Variants in ZFR2 observed in about 807,000 individuals in gnomAD.
ZFR2 encodes zinc finger RNA binding protein 2.
ZFR2 carries 104 observed loss-of-function variants against 105.7 expected under a neutral mutation model. The ratio of observed to expected loss-of-function variants is 0.98; its 90% CI spans 0.84 to 1.16. The LOEUF is 1.16. ZFR2 is among the 50% of genes most tolerant of loss of function. The pLI is 0.00. For missense variants in ZFR2, 1,425 were observed against 1,355.5 expected, an observed-to-expected ratio of 1.05 and a Z score of -0.80; for synonymous variants, 634 against 597.7, an observed-to-expected ratio of 1.06 and a Z score of -0.89.
rs374560802 is a variant in ZFR2, at chr19:3,823,409, G to A, written c.1214-6C>T. 13 of 1,597,958 alleles carry A rather than the reference G, an allele frequency of 8.1e-6. No homozygotes were observed. In the African/African-American group the frequency reaches 1.6e-4, roughly 20 times the overall value. On this transcript the variant is annotated splice_region_variant and splice_polypyrimidine_tract_variant and intron_variant, in intron 7 of 18. Transcript: ENST00000262961. This position sits in a 1 kb window ranked among gnomAD's most constrained non-coding sequence, Gnocchi z 5.4. ...TGCCTGTGGCTCAGGAGGCCCTGAGGGGAAAAACCATGTCACTTATACCCT... is the reference window on the plus strand; with the variant it reads ...TGCCTGTGGCTCAGGAGGCCCTGAGAGGAAAAACCATGTCACTTATACCCT...
chr19:3,824,414 C>T (rs528166000), intron 7 of ZFR2, among the ~76,000 whole-genome samples: 1 of 152,330 alleles, frequency 6.6e-6, no homozygotes, highest in African/African-American at 2.4e-5. Flanking sequence ...CGCGGGTCAG[C>T]TCTGACAGCT....
At chr19:3,848,992 T>TCAAAACAAAA (rs143956990) in intron 1 of ZFR2, among the ~76,000 whole-genome samples, 3,733 of 151,698 alleles carry the variant, frequency 0.025, 133 homozygotes, top group East Asian at 0.15. Flanking sequence ...AGACTCCGTC[T>TCAAAACAAAA]CAAAACAAAA....
At chr19:3,817,755 C>CAAAAAA (rs1314161355) in intron 12 of ZFR2, among the ~76,000 whole-genome samples, 2 of 64,354 alleles carry the variant, frequency 3.1e-5, no homozygotes, top group Non-Finnish European at 5.6e-5. Context: ...GACTCAGTCT[C>CAAAAAA]AAAAAAGAAA....
intron 12 of ZFR2, 55 bp downstream of exon 12, chr19:3,818,990 G>C (rs2037855703): frequency 1.3e-6 from 2 of 1,574,512 alleles, no homozygotes. Context: ...GTCCCGAGGA[G>C]CTGACCTCTG....
intron 1 of ZFR2, among the ~76,000 whole-genome samples, chr19:3,855,969 A>C (rs1012469904): frequency 6.6e-6 from 1 of 152,100 alleles, no homozygotes. Context: ...TTTCCAGCGG[A>C]GGAGGGACAT....
At chr19:3,824,538 C>A (rs552352668) in intron 7 of ZFR2, among the ~76,000 whole-genome samples, 89 of 152,258 alleles carry the variant, frequency 5.8e-4, no homozygotes, top group African/African-American at 2.1e-3. Flanking sequence ...TCACCGTGAG[C>A]ACCAGGGCAT....
chr19:3,821,903 C>T (rs1307233801), intron 9 of ZFR2, among the ~76,000 whole-genome samples, 178 bp downstream of exon 9: 2 of 152,122 alleles, frequency 1.3e-5, no homozygotes, highest in Non-Finnish European at 2.9e-5. Context: ...GACACCGCGC[C>T]CGGCCGAAGA....
In ZFR2 at chr19:3,834,046, G is replaced by T. The variant is rs1274437145; in HGVS notation, c.265-268C>A. On this transcript the variant is annotated intron_variant, in intron 2 of 18. Coordinates refer to ENST00000262961, the MANE Select transcript of ZFR2 (RefSeq NM_015174.2). This position sits in a 1 kb window ranked among gnomAD's most constrained non-coding sequence, Gnocchi z 5.3. The stretch of plus-strand genomic sequence containing the variant: ...ACTGCAATTTACAAGAGGACGCTTG[G>T]TGCGGCAGGAGAGGGCGGGTTTGCA... Among the ~76,000 whole-genome samples, 1 of 152,154 alleles carries T rather than the reference G, an allele frequency of 6.6e-6. No individual in the cohort carries two copies. Among genetic ancestry groups the T allele is most frequent in the African/African-American group, 2.4e-5 (1 of 41,432 alleles).
intron 1 of ZFR2, among the ~76,000 whole-genome samples, chr19:3,867,620 C>T (rs758013788): frequency 6.6e-6 from 1 of 151,946 alleles, no homozygotes; most frequent in Non-Finnish European, 1.5e-5. Context: ...TTAAATATCA[C>T]AACACTCAGG....
At chr19:3,853,235 G>C (rs933098973) in intron 1 of ZFR2, among the ~76,000 whole-genome samples, 1 of 152,180 alleles carries the variant, frequency 6.6e-6, no homozygotes, top group Non-Finnish European at 1.5e-5. Flanking sequence ...TCTCAGATGC[G>C]ACAGGGAGAG....
At chr19:3,856,316 C>T (rs1423078181) in intron 1 of ZFR2, among the ~76,000 whole-genome samples, 1 of 152,168 alleles carries the variant, frequency 6.6e-6, no homozygotes, top group Non-Finnish European at 1.5e-5. Context: ...GCATGGGCCG[C>T]TGTATGCAGG....
At chr19:3,843,199 G>A (rs759799957) in intron 1 of ZFR2, among the ~76,000 whole-genome samples, 2 of 152,206 alleles carry the variant, frequency 1.3e-5, no homozygotes, top group Non-Finnish European at 2.9e-5. Context: ...GGCTGGGCGC[G>A]GTGGCTCACG....
chr19:3,810,345 G>T (rs1466825631), intron 16 of ZFR2, among the ~76,000 whole-genome samples: 2 of 152,226 alleles, frequency 1.3e-5, no homozygotes, highest in African/African-American at 2.4e-5. Context: ...TGGGCTGGGG[G>T]GTGGTGTTTG....
At chr19:3,836,896 A>G (rs1444102346) in intron 1 of ZFR2, among the ~76,000 whole-genome samples, 13 of 152,200 alleles carry the variant, frequency 8.5e-5, no homozygotes, top group Non-Finnish European at 1.8e-4. Flanking sequence ...ATCAGTAAAG[A>G]TTTTAGCCCA....
At chr19:3,808,796 C>G in intron 17 of ZFR2, 76 bp downstream of exon 17, 5 of 1,247,058 alleles carry the variant, frequency 4.0e-6, no homozygotes, top group South Asian at 3.0e-5. Context: ...GACCCCAGCT[C>G]TCTGTGCCAT....
At chr19:3,817,899 T>C (rs1227197146) in intron 12 of ZFR2, among the ~76,000 whole-genome samples, 1 of 151,878 alleles carries the variant, frequency 6.6e-6, no homozygotes, top group African/African-American at 2.4e-5. Flanking sequence ...TCAGGCCAAG[T>C]GGATCAGCCA....
chr19:3,845,972 A>C (rs1329524899), intron 1 of ZFR2, among the ~76,000 whole-genome samples: 1 of 152,140 alleles, frequency 6.6e-6, no homozygotes. Flanking sequence ...ATGATATGGA[A>C]ATCTTTTTCT....
chr19:3,805,823 C>A lies in ZFR2; in HGVS notation c.*126G>T. On this transcript the variant is annotated 3_prime_UTR_variant, in exon 19 of 19. Coordinates refer to ENST00000262961, the MANE Select transcript of ZFR2 (RefSeq NM_015174.2). ...GAAGCACAGGTGTTTTAAAGGAAACCTACAGAGCGTTACTCAAAAGGAAAT... is the reference window on the plus strand; with the variant it reads ...GAAGCACAGGTGTTTTAAAGGAAACATACAGAGCGTTACTCAAAAGGAAAT... The A allele has an allele frequency of 8.6e-7, 1 of 1,167,860 alleles. No individual in the cohort carries two copies. The highest frequency in any genetic ancestry group is 3.0e-5 in the East Asian group (1 of 33,308). The allele number at this position is 1,167,860 out of a possible 1,614,324, so 72.3% of individuals were successfully genotyped here.
rs2038103546 is a variant in ZFR2, at chr19:3,838,602, T to G, written c.54-3619A>C. On this transcript the variant is annotated intron_variant, in intron 1 of 18. Coordinates refer to ENST00000262961, the MANE Select transcript of ZFR2 (RefSeq NM_015174.2). The surrounding 1 kb of genome is among the most constrained non-coding windows in gnomAD (Gnocchi z 4.9). The stretch of plus-strand genomic sequence containing the variant: ...CAGCCCTAACCATGCCATCTCCTGC[T>G]CAAAGCCCTCCCAAGGCCCTGCCAC... 6.6e-6 allele frequency among the ~76,000 whole-genome samples: 1 copy of G among 152,004 alleles called. No individual in the cohort carries two copies. Among genetic ancestry groups the G allele is most frequent in the Non-Finnish European group, 1.5e-5 (1 of 68,008 alleles).
Sources: allele counts gnomAD v4.1 joint callset (sites outside exome capture counted in the v4.1 genomes callset), GRCh38; gene constraint gnomAD v4.1.1; non-coding constraint Gnocchi (gnomAD v3.1); transcripts MANE v1.5; gene names NCBI Gene and HGNC (gene_info 2026-07-23, HGNC 2026-07-21).